The following PDE7B variants were observed in gnomAD, a reference collection of about 807,000 sequenced individuals.
PDE7B encodes the protein 3',5'-cyclic-AMP phosphodiesterase 7B.
PDE7B carries 29 observed loss-of-function variants against 56.2 expected under a neutral mutation model. The ratio of observed to expected loss-of-function variants is 0.52; its 90% CI spans 0.38 to 0.70. The LOEUF is 0.70. PDE7B is among the 30% of genes least tolerant of loss of function. PDE7B has a pLI of 0.00. For missense variants in PDE7B, 490 were observed against 565.0 expected, an observed-to-expected ratio of 0.87 and a Z score of 1.35; for synonymous variants, 197 against 196.9, an observed-to-expected ratio of 1.00 and a Z score of 0.00.
chr6:135,979,617 T>G (rs1011594081), intron 2 of PDE7B, among the ~76,000 whole-genome samples: 1 of 152,148 alleles, frequency 6.6e-6, no homozygotes, highest in East Asian at 1.9e-4. Context: ...AGAGTGTATG[T>G]GTAAAAATCA....
intron 8 of PDE7B, among the ~76,000 whole-genome samples, chr6:136,170,155 A>G (rs1480423899): frequency 6.6e-6 from 1 of 152,162 alleles, no homozygotes; most frequent in Non-Finnish European, 1.5e-5. Flanking sequence ...TTGCTGAAAA[A>G]GTTGAACATC....
At chr6:135,916,373 CTTTT>C (rs1286775635) in intron 1 of PDE7B, among the ~76,000 whole-genome samples, 18 of 121,402 alleles carry the variant, frequency 1.5e-4, no homozygotes, top group African/African-American at 5.5e-4. Flanking sequence ...CCCTTTTTTT[CTTTT>C]CTTTTCTTTT....
intron 2 of PDE7B, among the ~76,000 whole-genome samples, chr6:136,019,296 T>C (rs1776029927): frequency 6.6e-6 from 1 of 152,188 alleles, no homozygotes; most frequent in African/African-American, 2.4e-5. Context: ...AGTTAATTCA[T>C]TGAAATTAAT....
chr6:135,857,026 C>CTCCCTCCCTCCT (rs1420831241), intron 1 of PDE7B, among the ~76,000 whole-genome samples: 2 of 22,146 alleles, frequency 9.0e-5, no homozygotes, highest in African/African-American at 1.5e-4. Flanking sequence ...ACTCCTTTTC[C>CTCCCTCCCTCCT]TCCCTCCCTC....
rs553073003 is a variant in PDE7B, at chr6:135,982,712, G to A, written c.82+35188G>A. ...ACTGCTACTGGTCTATGAATCACAT[G>A]TAGCAAAGTTCTAGAAGATGGGTTG... On this transcript the variant is annotated intron_variant, in intron 2 of 12. Transcript: ENST00000308191. Among the ~76,000 whole-genome samples, 10 of 152,282 alleles carry A rather than the reference G, an allele frequency of 6.6e-5. No individual in the cohort carries two copies. The South Asian group carries it at 1.0e-3, about 16-fold the overall frequency.
chr6:135,857,346 C>T (rs1363534136), intron 1 of PDE7B, among the ~76,000 whole-genome samples: 2 of 151,958 alleles, frequency 1.3e-5, no homozygotes, highest in African/African-American at 4.8e-5. Context: ...AATATTCTTT[C>T]TACAAGATGA....
intron 1 of PDE7B, among the ~76,000 whole-genome samples, chr6:135,892,168 G>A (rs767359892): frequency 2.8e-4 from 43 of 152,204 alleles, no homozygotes; most frequent in Non-Finnish European, 5.1e-4. Context: ...AGTGGTATTT[G>A]TAGAAATAAG....
chr6:136,093,931 T>G (rs1313285977), intron 2 of PDE7B: 1 of 152,318 alleles, frequency 6.6e-6, no homozygotes, highest in Non-Finnish European at 1.5e-5. Context: ...GTCTCTAAAC[T>G]ATCTGCCACT....
intron 1 of PDE7B, among the ~76,000 whole-genome samples, chr6:135,854,902 A>C (rs1774997827): frequency 6.6e-6 from 1 of 152,242 alleles, no homozygotes; most frequent in Admixed American, 6.5e-5. Context: ...ACAGAGAGTG[A>C]AATATGTCAA....
intron 8 of PDE7B, among the ~76,000 whole-genome samples, chr6:136,167,052 T>A (rs1778805228): frequency 6.6e-6 from 1 of 152,064 alleles, no homozygotes; most frequent in Admixed American, 6.6e-5. Context: ...CTCCAGCTGT[T>A]CTCTTTAGAA....
At chr6:136,126,976 AAAG>A (rs1180141739) in intron 3 of PDE7B, among the ~76,000 whole-genome samples, 3 of 152,172 alleles carry the variant, frequency 2.0e-5, no homozygotes, top group Non-Finnish European at 1.5e-5. Context: ...AAATTATACA[AAAG>A]AATACTTTGT....
At chr6:136,030,466 A>G (rs1055034723) in intron 2 of PDE7B, among the ~76,000 whole-genome samples, 7 of 151,838 alleles carry the variant, frequency 4.6e-5, no homozygotes, top group African/African-American at 1.7e-4. Flanking sequence ...GTGTGTGTGC[A>G]TGTGTTGTGT....
intron 1 of PDE7B, among the ~76,000 whole-genome samples, chr6:135,934,834 T>TATATATTTATTTAAATAA (rs1774373129): frequency 8.8e-6 from 1 of 113,426 alleles, no homozygotes; most frequent in African/African-American, 3.8e-5. Context: ...AATAAATAAA[T>TATATATTTATTTAAATAA]ATATATATTT....
intron 2 of PDE7B, among the ~76,000 whole-genome samples, chr6:135,995,059 C>G (rs1775540366): frequency 6.6e-6 from 1 of 152,082 alleles, no homozygotes; most frequent in South Asian, 2.1e-4. Flanking sequence ...TCTTCATGTC[C>G]CCTCCCAACT....
chr6:135,933,006 CCTT>C (rs1318735615), intron 1 of PDE7B, among the ~76,000 whole-genome samples: 1 of 152,126 alleles, frequency 6.6e-6, no homozygotes, highest in Non-Finnish European at 1.5e-5. Flanking sequence ...GTGCTGAAAA[CCTT>C]CTGTGTGTTA....
At chr6:136,048,085 T>TAGACAGAC (rs1462650312) in intron 2 of PDE7B, among the ~76,000 whole-genome samples, 1 of 134,850 alleles carries the variant, frequency 7.4e-6, no homozygotes, top group African/African-American at 2.6e-5. Flanking sequence ...GATGGATAGA[T>TAGACAGAC]AGATAGACAG....
At chr6:135,931,949 G>A (rs202093331) in intron 1 of PDE7B, among the ~76,000 whole-genome samples, 809 of 62,168 alleles carry the variant, frequency 0.013, 18 homozygotes, top group East Asian at 0.12. Flanking sequence ...ACACACACGC[G>A]CGCGCACACA....
At chr6:136,121,595 A>G (rs1247004210) in intron 3 of PDE7B, among the ~76,000 whole-genome samples, 1 of 152,220 alleles carries the variant, frequency 6.6e-6, no homozygotes, top group Non-Finnish European at 1.5e-5. Context: ...TAAGTGCTAA[A>G]AGAAATAAAG....
rs768183898 is a variant in PDE7B, at chr6:135,958,876, C to T, written c.82+11352C>T. ...CATGTTTTTGTGACTCTAGCATGAA[C>T]GCTATCAAGCTTACTGATTATTTCT... is the stretch of plus-strand genomic sequence containing the variant. On this transcript the variant is annotated intron_variant, in intron 2 of 12. Coordinates refer to ENST00000308191, the MANE Select transcript of PDE7B (RefSeq NM_018945.4). Among the ~76,000 whole-genome samples, 6 of 152,210 alleles carry T rather than the reference C, an allele frequency of 3.9e-5. No individual in the cohort carries two copies. In the South Asian group the frequency reaches 6.2e-4, roughly 16 times the overall value.
Sources: gnomAD v4.1 joint callset for allele counts (sites outside exome capture counted in the v4.1 genomes callset) on GRCh38, gnomAD v4.1.1 for gene constraint, MANE v1.5 for transcripts, NCBI Gene and HGNC (gene_info 2026-07-23, HGNC 2026-07-21) for gene names.